The following IQSEC1 variants were observed in gnomAD, a reference collection of about 807,000 sequenced individuals.
IQSEC1 encodes IQ motif and Sec7 domain ArfGEF 1.
IQSEC1 carries 31 observed loss-of-function variants against 91.0 expected under a neutral mutation model. The ratio of observed to expected loss-of-function variants is 0.34; its 90% CI spans 0.26 to 0.46. The LOEUF is 0.46. IQSEC1 is among the 20% of genes least tolerant of loss of function. The pLI is 1.00. For synonymous variants in IQSEC1, 699 were observed against 662.6 expected, an observed-to-expected ratio of 1.05 and a Z score of -0.84; for missense variants, 1,388 against 1,575.6, an observed-to-expected ratio of 0.88 and a Z score of 2.02.
chr3:12,924,451 G>A lies in IQSEC1; in HGVS notation c.1730+130C>T. 1 of 929,948 alleles carries A rather than the reference G, an allele frequency of 1.1e-6. No individual in the cohort carries two copies. Among genetic ancestry groups the A allele is most frequent in the Non-Finnish European group, 1.6e-6 (1 of 636,392 alleles). The allele number at this position is 929,948 out of a possible 1,614,324, so 57.6% of individuals were successfully genotyped here. ...TGTGTGTGTCTAGGACTTAGGAAGA[G>A]AGAAAGGGGGGCCCACCACATGTCC... is the stretch of plus-strand genomic sequence containing the variant. On this transcript the variant is annotated intron_variant, in intron 4 of 13. Coordinates refer to ENST00000613206, the MANE Select transcript of IQSEC1 (RefSeq NM_001134382.3). The surrounding 1 kb of genome is among the most constrained non-coding windows in gnomAD (Gnocchi z 6.3).
intron 1 of IQSEC1, among the ~76,000 whole-genome samples, chr3:13,258,358 AACAACAACAAC>A (rs1205031714): frequency 6.6e-6 from 1 of 152,182 alleles, no homozygotes; most frequent in African/African-American, 2.4e-5. Flanking sequence ...AACAAACAGC[AACAACAACAAC>A]AAAAAACCTT....
intron 1 of IQSEC1, among the ~76,000 whole-genome samples, chr3:13,028,551 G>A (rs1288253531): frequency 6.6e-6 from 1 of 152,248 alleles, no homozygotes; most frequent in Non-Finnish European, 1.5e-5. Flanking sequence ...GGCAGAGCCA[G>A]ACCCTAGAAC....
At chr3:13,260,584 C>T (rs936018877) in intron 1 of IQSEC1, among the ~76,000 whole-genome samples, 8 of 152,218 alleles carry the variant, frequency 5.3e-5, no homozygotes, top group Non-Finnish European at 1.2e-4. Context: ...GTGTCCCAGG[C>T]TGCCTGAGAA....
At chr3:13,100,296 A>C (rs1706035004) in intron 2 of IQSEC1, among the ~76,000 whole-genome samples, 1 of 147,774 alleles carries the variant, frequency 6.8e-6, no homozygotes, top group South Asian at 2.1e-4. Context: ...TTGTTACCAC[A>C]CTCTTCCTAC....
At chr3:13,117,972 G>A (rs1318724515) in intron 2 of IQSEC1, among the ~76,000 whole-genome samples, 1 of 152,002 alleles carries the variant, frequency 6.6e-6, no homozygotes, top group Non-Finnish European at 1.5e-5. Context: ...CAGAGAAACC[G>A]GGCCCCCTGT....
In IQSEC1 at chr3:13,088,420, G is replaced by A. The variant is rs140152294; in HGVS notation, c.303-40898C>T. Among the ~76,000 whole-genome samples the A allele has an allele frequency of 1.4e-3, 216 of 152,038 alleles. 2 individuals are homozygous for A. Among genetic ancestry groups the A allele is most frequent in the African/African-American group, 4.5e-3 (186 of 41,466 alleles). On this transcript the variant is annotated intron_variant, in intron 2 of 15. Transcript: ENST00000648114. ...GTATGCCGAGGCCCACCAGCTTCCC[G>A]AAGCCTGCTCCTCCCCACTCCTGCT...
intron 1 of IQSEC1, among the ~76,000 whole-genome samples, chr3:13,276,137 G>A (rs1357437953): frequency 7.6e-6 from 1 of 132,246 alleles, no homozygotes; most frequent in Non-Finnish European, 1.5e-5. Flanking sequence ...CACTCAGGCT[G>A]GAGTGCAATG....
At chr3:13,254,992 C>G (rs554579631) in intron 1 of IQSEC1, among the ~76,000 whole-genome samples, 16 of 152,346 alleles carry the variant, frequency 1.1e-4, no homozygotes, top group Admixed American at 8.5e-4. Context: ...CAGCCCTCCC[C>G]CAACCTCCCT....
chr3:13,092,102 C>CTG (rs1705872262), intron 2 of IQSEC1, among the ~76,000 whole-genome samples: 1 of 152,090 alleles, frequency 6.6e-6, no homozygotes, highest in Admixed American at 6.5e-5. Flanking sequence ...GTCAATTGCC[C>CTG]TGCACTGTGC....
intron 1 of IQSEC1, among the ~76,000 whole-genome samples, chr3:13,190,016 C>G (rs1693994901): frequency 6.6e-6 from 1 of 152,232 alleles, no homozygotes; most frequent in South Asian, 2.1e-4. Flanking sequence ...CTCATGGCCC[C>G]ACCGCCCTGA....
At chr3:12,978,420 C>T (rs938465475) in intron 1 of IQSEC1, among the ~76,000 whole-genome samples, 23 of 152,092 alleles carry the variant, frequency 1.5e-4, no homozygotes, top group African/African-American at 4.6e-4. Context: ...TGCACAGGGC[C>T]GGGCGCGGTG....
chr3:13,193,794 C>T lies in IQSEC1; in HGVS notation c.273-29661G>A, dbSNP rs1271859425. Among the ~76,000 whole-genome samples, 1 of 152,190 alleles carries T rather than the reference C, an allele frequency of 6.6e-6. No homozygotes were observed. The highest frequency in any genetic ancestry group is 1.9e-4 in the East Asian group (1 of 5,192). ...CCCCGGCCCCACACCCTCCTGCCTG[C>T]ACCTGCTCACACCCAGACCTGGCCT... On this transcript the variant is annotated intron_variant, in intron 1 of 15. Coordinates refer to the IQSEC1 transcript ENST00000648114. This position sits in a 1 kb window ranked among gnomAD's most constrained non-coding sequence, Gnocchi z 4.2.
In IQSEC1 at chr3:13,211,299, C is replaced by G. The variant is rs1201371752; in HGVS notation, c.273-47166G>C. ...TGAACATGAAAGGCCTTCTTGGCAG[C>G]GAGCTCTTCATCCTGTTGCTCCTGA... On this transcript the variant is annotated intron_variant, in intron 1 of 15. Coordinates refer to the IQSEC1 transcript ENST00000648114. The surrounding 1 kb of genome is among the most constrained non-coding windows in gnomAD (Gnocchi z 5.3). 6.6e-6 allele frequency among the ~76,000 whole-genome samples: 1 copy of G among 152,212 alleles called. No homozygotes were observed. The highest frequency in any genetic ancestry group is 2.4e-5 in the African/African-American group (1 of 41,454).
intron 5 of IQSEC1, 96 bp from the exon 6 acceptor site, chr3:12,920,692 G>T: frequency 1.5e-6 from 2 of 1,316,084 alleles, no homozygotes; most frequent in Non-Finnish European, 2.1e-6. Flanking sequence ...CTAAGCCTCA[G>T]CTCCTGCTTC....
chr3:13,003,135 T>G (rs1702491516), intron 1 of IQSEC1, among the ~76,000 whole-genome samples: 1 of 152,042 alleles, frequency 6.6e-6, no homozygotes, highest in African/African-American at 2.4e-5. Flanking sequence ...CAATGGAATG[T>G]TATTATTCAG....
Position 12,935,871 on chromosome 3 carries a change from G to C in IQSEC1, c.1145C>G (p.Ser382Trp). Residue 382 changes from serine to tryptophan, a missense_variant, in exon 3 of 14, where the codon TCG (serine) becomes TGG (tryptophan). Ser to Trp is a radical substitution (Grantham distance 177, BLOSUM62 -3). Coordinates refer to ENST00000613206, the MANE Select transcript of IQSEC1 (RefSeq NM_001134382.3). The surrounding 1 kb of genome is among the most constrained non-coding windows in gnomAD (Gnocchi z 8.0). ...SDSSVDLSDR[S>W]ERGSLKRQSA... Reference sequence around the variant, plus strand: ...CTGCCTCTTGAGTGACCCCCGCTCCGAGCGGTCACTAAGGTCCACAGAGCT... The same window carrying C: ...CTGCCTCTTGAGTGACCCCCGCTCCCAGCGGTCACTAAGGTCCACAGAGCT... 1.2e-6 allele frequency: 2 copies of C among 1,606,718 alleles called. No homozygotes were observed. The highest frequency in any genetic ancestry group is 1.7e-6 in the Non-Finnish European group (2 of 1,179,856).
At chr3:13,216,955 G>A (rs963687120) in intron 1 of IQSEC1, among the ~76,000 whole-genome samples, 2 of 152,182 alleles carry the variant, frequency 1.3e-5, no homozygotes, top group African/African-American at 2.4e-5. Flanking sequence ...CGCAGGCAAG[G>A]TGAACACACT....
At chr3:13,225,878 A>AT (rs59308345) in intron 1 of IQSEC1, among the ~76,000 whole-genome samples, 4,807 of 150,244 alleles carry the variant, frequency 0.032, 160 homozygotes, top group African/African-American at 0.09. Context: ...TAATTCATCA[A>AT]TTTTTTTTTT....
chr3:12,949,349 T>C (rs1281770676), intron 1 of IQSEC1, among the ~76,000 whole-genome samples: 1 of 152,198 alleles, frequency 6.6e-6, no homozygotes, highest in Non-Finnish European at 1.5e-5. Context: ...GCCACCCTCT[T>C]CAGAGGGGGC....
Sources: allele counts gnomAD v4.1 joint callset (sites outside exome capture counted in the v4.1 genomes callset), GRCh38; gene constraint gnomAD v4.1.1; non-coding constraint Gnocchi (gnomAD v3.1); transcripts MANE v1.5; gene names NCBI Gene and HGNC (gene_info 2026-07-23, HGNC 2026-07-21).